NBAS: variants seen among roughly 807,000 people sequenced by gnomAD.
NBAS encodes the protein NAG/BC035112 fusion.
NBAS carries 219 observed loss-of-function variants against 302.5 expected under a neutral mutation model. That is an observed-to-expected ratio of 0.72 (90% confidence interval 0.65 to 0.81). NBAS has a LOEUF of 0.81. NBAS is among the 30% of genes least tolerant of loss of function. NBAS has a pLI of 0.00. For missense variants in NBAS, 2,932 were observed against 2,841.6 expected (o/e 1.03, Z -0.72); for synonymous variants, 1,118 against 1,021.6 (o/e 1.09, Z -1.80).
In NBAS at chr2:15,232,462, C is replaced by T; in HGVS notation, c.6196G>A (p.Glu2066Lys). The T allele has an allele frequency of 6.2e-7, 1 of 1,614,128 alleles. No individual in the cohort carries two copies. The highest frequency in any genetic ancestry group is 8.5e-7 in the Non-Finnish European group (1 of 1,180,026). ...GCGTGGACTGCTGCAACAACACCTT[C>T]CAGGACCTTCAGTGGGTCCCTTGGC... The part of the protein sequence containing the change: ...GGPRDPLKVL[E>K]GVVAAVHASV... The change falls in exon 47 of 52, where the codon GAA becomes AAA. Residue 2066 changes from glutamate (E) to lysine (K), a missense_variant. Transcript: ENST00000281513.
At chr2:15,431,540 G>A (rs746790538) in intron 21 of NBAS, among the ~76,000 whole-genome samples, 2 of 152,030 alleles carry the variant, frequency 1.3e-5, no homozygotes, top group Non-Finnish European at 2.9e-5. Context: ...CTGGCATTTA[G>A]CAGACTCAAA....
At chr2:15,245,750 C>T (rs1668070634) in intron 44 of NBAS, among the ~76,000 whole-genome samples, 1 of 152,186 alleles carries the variant, frequency 6.6e-6, no homozygotes, top group East Asian at 1.9e-4. Context: ...TGACACATCT[C>T]TAACTACTAG....
chr2:15,475,210 A>C (rs905721442), intron 14 of NBAS, among the ~76,000 whole-genome samples: 4 of 152,250 alleles, frequency 2.6e-5, no homozygotes, highest in African/African-American at 4.8e-5. Flanking sequence ...GAAAGCTATT[A>C]AAGGTTGTTA....
At chr2:15,163,248 C>T (rs937329722), downstream of NBAS, among the ~76,000 whole-genome samples, 2 of 152,210 alleles carry the variant, frequency 1.3e-5, no homozygotes, top group Admixed American at 1.3e-4. Flanking sequence ...ACTTTCCAAG[C>T]CAAGTCCAGC....
chr2:15,084,471 G>GA, the NBAS span, among the ~76,000 whole-genome samples: 4 of 152,188 alleles, frequency 2.6e-5, no homozygotes, highest in Non-Finnish European at 2.9e-5. Flanking sequence ...TTTATTCCCA[G>GA]AAAAATCAGT....
At chr2:14,931,302 T>TTTTG in the NBAS span, among the ~76,000 whole-genome samples, 1 of 152,142 alleles carries the variant, frequency 6.6e-6, no homozygotes, top group Non-Finnish European at 1.5e-5. Context: ...TTTGCAGGTT[T>TTTTG]TTTGTTTGTT....
chr2:15,501,340 C>G (rs576584574), intron 11 of NBAS, among the ~76,000 whole-genome samples: 1 of 151,606 alleles, frequency 6.6e-6, no homozygotes, highest in Non-Finnish European at 1.5e-5. Context: ...TTTAAAGCCA[C>G]GTAAGTTTGG....
At chr2:15,264,275 T>G (rs1426968425) in intron 44 of NBAS, among the ~76,000 whole-genome samples, 1 of 152,204 alleles carries the variant, frequency 6.6e-6, no homozygotes, top group Non-Finnish European at 1.5e-5. Context: ...GATCTTTTAT[T>G]TATTCCTCTG....
At chr2:15,496,413 A>G (rs1681075262) in intron 11 of NBAS, among the ~76,000 whole-genome samples, 2 of 152,212 alleles carry the variant, frequency 1.3e-5, no homozygotes, top group Non-Finnish European at 2.9e-5. Flanking sequence ...AAATCATTGC[A>G]CAGTTCTGTG....
At chr2:14,813,875 G>A in the NBAS span, among the ~76,000 whole-genome samples, 2 of 152,136 alleles carry the variant, frequency 1.3e-5, no homozygotes, top group African/African-American at 4.8e-5. Context: ...CACAGTCCTG[G>A]AGGCCTAGAA....
the NBAS span, among the ~76,000 whole-genome samples, chr2:14,972,481 C>A: frequency 6.6e-6 from 1 of 152,132 alleles, no homozygotes; most frequent in Non-Finnish European, 1.5e-5. Context: ...ATGGTACCCT[C>A]TGTTAAAGCA....
At chr2:15,261,216 C>A (rs1017191955) in intron 44 of NBAS, among the ~76,000 whole-genome samples, 8 of 152,222 alleles carry the variant, frequency 5.3e-5, no homozygotes, top group African/African-American at 1.9e-4. Context: ...GCTGTGTGTG[C>A]TTTTATGGTG....
At chr2:14,886,036 G>T in the NBAS span, among the ~76,000 whole-genome samples, 2 of 152,148 alleles carry the variant, frequency 1.3e-5, no homozygotes, top group African/African-American at 4.8e-5. Context: ...TAGCTGGAGA[G>T]GGTGGCAGAT....
At chr2:14,896,076 G>A in the NBAS span, among the ~76,000 whole-genome samples, 1 of 151,858 alleles carries the variant, frequency 6.6e-6, no homozygotes, top group Non-Finnish European at 1.5e-5. Context: ...CCTTTGTCAG[G>A]CAACCATGAA....
At chr2:14,986,754 A>G in the NBAS span, among the ~76,000 whole-genome samples, 3 of 152,130 alleles carry the variant, frequency 2.0e-5, no homozygotes, top group Admixed American at 6.5e-5. Context: ...TCTGTAAGAA[A>G]GGTGGCTATT....
the NBAS span, among the ~76,000 whole-genome samples, chr2:14,863,830 A>T: frequency 6.6e-6 from 1 of 152,246 alleles, no homozygotes; most frequent in Admixed American, 6.5e-5. Context: ...CTGAGGTTTT[A>T]AAAGCTTACT....
the NBAS span, among the ~76,000 whole-genome samples, chr2:15,127,142 AAG>A: frequency 6.6e-6 from 1 of 152,178 alleles, no homozygotes; most frequent in African/African-American, 2.4e-5. Context: ...CAATTTTTGA[AAG>A]AGGGGCCCGT....
chr2:14,850,121 G>A, the NBAS span, among the ~76,000 whole-genome samples: 1 of 135,286 alleles, frequency 7.4e-6, no homozygotes, highest in African/African-American at 3.6e-5. Context: ...CCAATTAAAA[G>A]GCACAGACTG....
chr2:14,801,865 G>A, the NBAS span, among the ~76,000 whole-genome samples: 795 of 150,756 alleles, frequency 5.3e-3, 4 homozygotes, highest in African/African-American at 0.018. Context: ...TTTTTGATGG[G>A]GTTGTTTGTT....
Sources: gnomAD v4.1 joint callset for allele counts (sites outside exome capture counted in the v4.1 genomes callset) on GRCh38, gnomAD v4.1.1 for gene constraint, MANE v1.5 for transcripts, NCBI Gene and HGNC (gene_info 2026-07-23, HGNC 2026-07-21) for gene names.